The following GUCY1A1 variants were observed in gnomAD, a reference collection of about 807,000 sequenced individuals.
GUCY1A1 encodes guanylate cyclase 1 soluble subunit alpha 1.
In GUCY1A1, 48 loss-of-function variants were observed where a neutral mutation model predicts 64.5. That is an observed-to-expected ratio of 0.74 (90% CI 0.59 to 0.95). The LOEUF (loss-of-function observed/expected upper bound fraction) is 0.95. GUCY1A1 is among the 40% of genes least tolerant of loss of function. GUCY1A1 has a pLI of 0.00. For missense variants in GUCY1A1, 804 were observed against 825.3 expected (o/e 0.97, Z 0.32); for synonymous variants, 308 against 303.4 (o/e 1.02, Z -0.16).
At chr4:155,683,147 T>C (rs1383180146) in intron 2 of GUCY1A1, among the ~76,000 whole-genome samples, 1 of 152,200 alleles carries the variant, frequency 6.6e-6, no homozygotes, top group Non-Finnish European at 1.5e-5. Flanking sequence ...TGTTGATTTC[T>C]TTATCAAGCA....
At chr4:155,704,743 G>T (rs1003407392) in intron 4 of GUCY1A1, among the ~76,000 whole-genome samples, 1 of 151,430 alleles carries the variant, frequency 6.6e-6, no homozygotes, top group Admixed American at 6.6e-5. Context: ...TTAGAAACAG[G>T]GTCTCACTCT....
Position 155,673,212 on chromosome 4 carries a change from C to T in GUCY1A1, c.-113+5793C>T, listed in dbSNP as rs528772549. Among the ~76,000 whole-genome samples, 90 of 151,312 alleles carry T rather than the reference C, an allele frequency of 5.9e-4. 1 individual carries two copies. Among genetic ancestry groups the T allele is most frequent in the Non-Finnish European group, 9.1e-4 (62 of 68,020 alleles). ...TATTTTATAACACTCTTCTTAGAGA[C>T]TCAGCCACTATTTTGTACTTCTCTC... On this transcript the variant is annotated intron_variant, in intron 2 of 9. Coordinates refer to ENST00000506455, the MANE Select transcript of GUCY1A1 (RefSeq NM_001130682.3).
intron 6 of GUCY1A1, among the ~76,000 whole-genome samples, chr4:155,712,022 C>G (rs1235006002): frequency 6.6e-6 from 1 of 152,078 alleles, no homozygotes; most frequent in African/African-American, 2.4e-5. Flanking sequence ...TATTTTACAA[C>G]TGCTTTTATC....
intron 2 of GUCY1A1, among the ~76,000 whole-genome samples, chr4:155,691,698 A>G (rs559393865): frequency 1.3e-5 from 2 of 152,342 alleles, no homozygotes; most frequent in Non-Finnish European, 2.9e-5. Flanking sequence ...GTATGATGGT[A>G]GACATTTGAT....
At position 155,732,005 on chromosome 4, in the gene GUCY1A1, T is replaced by C. The variant is rs934644948; in HGVS notation, c.*1774T>C. The C allele has an allele frequency of 3.6e-5, 4 of 110,276 alleles. No individual in the cohort carries two copies. Among genetic ancestry groups the C allele is most frequent in the Non-Finnish European group, 7.1e-5 (4 of 56,070 alleles). 6.8% of individuals were successfully genotyped at this position (110,276 alleles called of 1,614,324 possible). A position where few individuals can be genotyped will look rare whatever the true frequency, so the allele number is the denominator to read the frequency against. ...AAATATATGAAGTTAAGTCACTACT[T>C]ACAAGGAAAAAAAATGTAAATACAT... On this transcript the variant is annotated 3_prime_UTR_variant, in exon 10 of 10. Coordinates refer to ENST00000506455, the MANE Select transcript of GUCY1A1 (RefSeq NM_001130682.3).
rs531927795 is a variant in GUCY1A1 at position 155,732,581 on chromosome 4, C to T, written c.*2350C>T. Reference sequence around the variant, plus strand: ...AGCGAGAAACTTTTCAGATCCAGACCACTGATGGTAGCCAGAGTAGAGACC... The same window carrying T: ...AGCGAGAAACTTTTCAGATCCAGACTACTGATGGTAGCCAGAGTAGAGACC... On this transcript the variant is annotated 3_prime_UTR_variant, in exon 10 of 10. Coordinates refer to ENST00000506455, the MANE Select transcript of GUCY1A1 (RefSeq NM_001130682.3). Among the ~76,000 whole-genome samples, 1 of 151,796 alleles carries T rather than the reference C, an allele frequency of 6.6e-6. No homozygotes were observed. The highest frequency in any genetic ancestry group is 1.5e-5 in the Non-Finnish European group (1 of 67,850).
intron 2 of GUCY1A1, 140 bp downstream of exon 2, chr4:155,667,559 C>T (rs1252330214): frequency 6.6e-6 from 1 of 152,150 alleles, no homozygotes; most frequent in African/African-American, 2.4e-5. Context: ...CCTGGGAAGC[C>T]AGCATCGGGT....
At chr4:155,699,887 T>A (rs116806509) in intron 3 of GUCY1A1, among the ~76,000 whole-genome samples, 582 of 152,288 alleles carry the variant, frequency 3.8e-3, no homozygotes, top group Non-Finnish European at 5.1e-3. Context: ...GTATTATCCT[T>A]AGAAAATGTA....
Position 155,736,320 on chromosome 4 carries a change from G to A in GUCY1A1, c.*6089G>A, listed in dbSNP as rs1176103668. On this transcript the variant is annotated 3_prime_UTR_variant, in exon 10 of 10. Coordinates refer to ENST00000506455, the MANE Select transcript of GUCY1A1 (RefSeq NM_001130682.3). ...TGGGAAACTGCTACAGTTGGCTAGT[G>A]GGTCTTCACTTTTATTGCTTTGAGA... 1 of 151,802 alleles carries A rather than the reference G, an allele frequency of 6.6e-6. No individual in the cohort carries two copies. The highest frequency in any genetic ancestry group is 1.5e-5 in the Non-Finnish European group (1 of 67,906). The allele number at this position is 151,802 out of a possible 1,614,324, so 9.4% of individuals were successfully genotyped here.
chr4:155,728,468 G>T (rs1483042), intron 9 of GUCY1A1, among the ~76,000 whole-genome samples: 75,077 of 151,602 alleles, frequency 0.5, 20,161 homozygotes, highest in African/African-American at 0.71. Context: ...CTACCTGTGG[G>T]TAATTAGAGT....
intron 5 of GUCY1A1, among the ~76,000 whole-genome samples, chr4:155,708,737 G>A (rs1451409350): frequency 6.6e-6 from 1 of 152,118 alleles, no homozygotes; most frequent in South Asian, 2.1e-4. Context: ...CCTTTCCAAA[G>A]TTTCAGTACA....
At chr4:155,699,592 G>A (rs893079245) in intron 3 of GUCY1A1, among the ~76,000 whole-genome samples, 4 of 152,096 alleles carry the variant, frequency 2.6e-5, no homozygotes, top group Non-Finnish European at 2.9e-5. Context: ...AGATATTATC[G>A]TTATGGCAGT....
Position 155,713,474 on chromosome 4 carries a change from T to C in GUCY1A1, c.1463T>C (p.Val488Ala), listed in dbSNP as rs751709344. The C allele has an allele frequency of 3.1e-6, 5 of 1,614,158 alleles. No individual in the cohort carries two copies. Among genetic ancestry groups the C allele is most frequent in the Non-Finnish European group, 4.2e-6 (5 of 1,180,018 alleles). The change falls in exon 7 of 10, where the codon GTT becomes GCT. Residue 488 changes from valine to alanine, a missense_variant. Coordinates refer to ENST00000506455, the MANE Select transcript of GUCY1A1 (RefSeq NM_001130682.3). Reference sequence around the variant, plus strand: ...GTCACCATGCTCTTCTCAGACATCGTTGGGTTCACTGCCATCTGCTCCCAG... The same window carrying C: ...GTCACCATGCTCTTCTCAGACATCGCTGGGTTCACTGCCATCTGCTCCCAG... ...SNVTMLFSDI[V>A]GFTAICSQCS...
Position 155,717,236 on chromosome 4 carries a change from G to A in GUCY1A1, c.1650G>A (p.Ala550=), listed in dbSNP as rs62636599. 2,591 of 1,599,298 alleles carry A rather than the reference G, an allele frequency of 1.6e-3. 25 individuals carry two copies. The African/African-American group carries it at 0.021, about 13-fold the overall frequency. ...KESDTHAVQI[A]LMALKMMELS... ...GTGATACTCATGCTGTTCAGATAGC[G>A]CTGATGGCCCTGAAGATGATGGAGC... The change falls in exon 8 of 10, where the codon GCG becomes GCA. Residue 550 remains alanine, a synonymous_variant. Coordinates refer to ENST00000506455, the MANE Select transcript of GUCY1A1 (RefSeq NM_001130682.3).
At chr4:155,721,916 G>A (rs3816763) in intron 8 of GUCY1A1, 122 bp from the exon 9 acceptor site, 47,993 of 724,856 alleles carry the variant, frequency 0.066, 1,939 homozygotes, top group African/African-American at 0.12. Context: ...TGAAGGTTTT[G>A]AGGAAAGGGG....
At chr4:155,707,768 C>T (rs1731977452) in intron 4 of GUCY1A1, among the ~76,000 whole-genome samples, 1 of 151,852 alleles carries the variant, frequency 6.6e-6, no homozygotes, top group African/African-American at 2.4e-5. Flanking sequence ...GCTCCTTTCT[C>T]ATAAAATTGA....
rs1261205903 is a variant in GUCY1A1 at position 155,731,892 on chromosome 4, C to T, written c.*1661C>T. On this transcript the variant is annotated 3_prime_UTR_variant, in exon 10 of 10. Coordinates refer to ENST00000506455, the MANE Select transcript of GUCY1A1 (RefSeq NM_001130682.3). ...TGTTTACTAAGTGATAACCCCGTAT[C>T]TTACAGGACTGACTTTGACTCAATA... The T allele has an allele frequency of 6.6e-6, 1 of 151,674 alleles. No individual in the cohort carries two copies. The highest frequency in any genetic ancestry group is 1.5e-5 in the Non-Finnish European group (1 of 67,826). 9.4% of individuals were successfully genotyped at this position (151,674 alleles called of 1,614,324 possible). A position where few individuals can be genotyped will look rare whatever the true frequency, so the allele number is the denominator to read the frequency against.
At chr4:155,725,840 G>A (rs1734588256) in intron 9 of GUCY1A1, among the ~76,000 whole-genome samples, 1 of 151,990 alleles carries the variant, frequency 6.6e-6, no homozygotes, top group Admixed American at 6.6e-5. Context: ...AATGTTACTA[G>A]AAATGCACAT....
At chr4:155,707,352 T>C (rs771921560) in intron 4 of GUCY1A1, among the ~76,000 whole-genome samples, 3 of 152,202 alleles carry the variant, frequency 2.0e-5, no homozygotes, top group Non-Finnish European at 4.4e-5. Flanking sequence ...TAGCCTTGCC[T>C]ACCTTACATG....
Sources: gnomAD v4.1 joint callset for allele counts (sites outside exome capture counted in the v4.1 genomes callset) on GRCh38, gnomAD v4.1.1 for gene constraint, MANE v1.5 for transcripts, NCBI Gene and HGNC (gene_info 2026-07-23, HGNC 2026-07-21) for gene names.